Variants in NEFL observed in about 807,000 individuals in gnomAD.
NEFL encodes neurofilament light chain.
In NEFL, 36 loss-of-function variants were observed where a neutral mutation model predicts 51.6. That is an observed-to-expected ratio of 0.70 (90% CI 0.53 to 0.92). The LOEUF (loss-of-function observed/expected upper bound fraction) is 0.92. NEFL is among the 40% of genes least tolerant of loss of function. The probability of loss-of-function intolerance (pLI) is 0.00; values close to 1 mark genes in which losing one functional copy is unlikely to be tolerated. For missense variants in NEFL, 671 were observed against 722.0 expected (o/e 0.93, Z 0.81); for synonymous variants, 332 against 302.5 (o/e 1.10, Z -1.01).
Position 24,956,499 on chromosome 8 carries a change from T to C in NEFL, c.17A>G (p.Tyr6Cys), listed in dbSNP as rs1466519400. MSSFS[Y>C]EPYYSTSYKR... ...GTAGGAGGTCGAGTAGTACGGCTCG[T>C]AGCTGAAGGAACTCATGGTGGCGGC... is the stretch of plus-strand genomic sequence containing the variant. The change falls in exon 1 of 4, where the codon TAC becomes TGC. Residue 6 changes from tyrosine (Y) to cysteine (C), a missense_variant. Transcript: ENST00000610854. The surrounding 1 kb of genome is among the most constrained non-coding windows in gnomAD (Gnocchi z 5.9). The C allele has an allele frequency of 1.3e-6, 2 of 1,597,642 alleles. No individual in the cohort carries two copies. The highest frequency in any genetic ancestry group is 1.7e-5 in the Admixed American group (1 of 57,308).
chr8:24,953,065 C>T (rs1802991676), intron 3 of NEFL, 113 bp from the exon 4 acceptor site: 5 of 1,267,218 alleles, frequency 3.9e-6, no homozygotes, highest in Non-Finnish European at 5.3e-6. Flanking sequence ...CCAAAACCTC[C>T]CAGCTCCACT....
rs907332450 is a variant in NEFL at position 24,952,737 on chromosome 8, G to C, written c.*73C>G. 6.2e-7 allele frequency: 1 copy of C among 1,605,136 alleles called. No homozygotes were observed. Among genetic ancestry groups the C allele is most frequent in the East Asian group, 2.2e-5 (1 of 44,766 alleles). ...TTCACATAGAATCTGGAACTCAACT[G>C]GTTGGTTGGTTGGTGATGGGGTTGA... On this transcript the variant is annotated 3_prime_UTR_variant, in exon 4 of 4. Transcript: ENST00000610854.
At chr8:24,954,006 A>T in intron 2 of NEFL, 175 bp downstream of exon 2, 2 of 1,183,302 alleles carry the variant, frequency 1.7e-6, no homozygotes, top group Non-Finnish European at 2.4e-6. Flanking sequence ...ACTCCTAATT[A>T]CAGGGTTAAA....
At chr8:24,954,341 C>T (rs762025413) in intron 1 of NEFL, 36 bp from the exon 2 acceptor site, 6 of 1,603,568 alleles carry the variant, frequency 3.7e-6, no homozygotes, top group African/African-American at 1.4e-5. Context: ...AAAAAAAATC[C>T]GAGCATAAAT....
In NEFL at chr8:24,953,766, A is replaced by T. The variant is rs1472822250; in HGVS notation, c.1199T>A (p.Leu400His). The T allele has an allele frequency of 6.2e-7, 1 of 1,613,054 alleles. No individual in the cohort carries two copies. The highest frequency in any genetic ancestry group is 8.5e-7 in the Non-Finnish European group (1 of 1,179,164). The part of the protein sequence containing the change: ...RKLLEGEETR[L>H]SFTSVGSITS... ...TATGCTTCCCACGCTGGTGAAACTG[A>T]GTCGGGTCTCCTCGCCTTCCAAGAG... The change falls in exon 3 of 4, where the codon CTC (leucine) becomes CAC (histidine). Residue 400 changes from leucine to histidine, a missense_variant. Transcript: ENST00000610854.
Position 24,955,809 on chromosome 8 carries a change from G to T in NEFL, c.707C>A (p.Ala236Glu), listed in dbSNP as rs757157917. The T allele has an allele frequency of 6.2e-7, 1 of 1,612,296 alleles. No homozygotes were observed. The highest frequency in any genetic ancestry group is 8.5e-7 in the Non-Finnish European group (1 of 1,179,856). The part of the protein sequence containing the change: ...VHEEEIAELQ[A>E]QIQYAQISVE... ...GGAGATCTGCGCGTACTGGATCTGC[G>T]CCTGCAGTTCGGCGATCTCCTCTTC... is the stretch of plus-strand genomic sequence containing the variant. The change falls in exon 1 of 4, where the codon GCG (alanine) becomes GAG (glutamate). Residue 236 changes from alanine (A) to glutamate (E), a missense_variant. Coordinates refer to ENST00000610854, the MANE Select transcript of NEFL (RefSeq NM_006158.5). The surrounding 1 kb of genome is among the most constrained non-coding windows in gnomAD (Gnocchi z 4.0).
chr8:24,955,829 C>T lies in NEFL; in HGVS notation c.687G>A (p.Glu229=), dbSNP rs1640156661. ...EISFLKKVHE[E]EIAELQAQIQ... is the part of the protein sequence containing the mutation. ...TCTGCGCCTGCAGTTCGGCGATCTC[C>T]TCTTCGTGCACTTTCTTCAGAAAAG... The change falls in exon 1 of 4, where the codon GAG becomes GAA. Residue 229 remains glutamate (E), a synonymous_variant. Coordinates refer to ENST00000610854, the MANE Select transcript of NEFL (RefSeq NM_006158.5). The surrounding 1 kb of genome is among the most constrained non-coding windows in gnomAD (Gnocchi z 4.0). The T allele has an allele frequency of 1.2e-6, 2 of 1,611,414 alleles. No individual in the cohort carries two copies. Among genetic ancestry groups the T allele is most frequent in the East Asian group, 2.2e-5 (1 of 44,874 alleles).
Position 24,956,077 on chromosome 8 carries a change from G to A in NEFL, c.439C>T (p.Arg147Cys). 6.2e-7 allele frequency: 1 copy of A among 1,604,002 alleles called. No individual in the cohort carries two copies. The highest frequency in any genetic ancestry group is 2.2e-5 in the East Asian group (1 of 44,712). The change falls in exon 1 of 4, where the codon CGC (arginine) becomes TGC (cysteine). Residue 147 changes from arginine to cysteine, a missense_variant. By Grantham distance (180) the Arg-to-Cys change is radical. Transcript: ENST00000610854. This position sits in a 1 kb window ranked among gnomAD's most constrained non-coding sequence, Gnocchi z 5.9. ...ALYEQEIRDL[R>C]LAAEDATNEK... ...TTGGTGGCATCTTCCGCCGCCAGGC[G>A]CAGGTCGCGGATCTCCTGCTCGTAC... is the stretch of plus-strand genomic sequence containing the variant.
chr8:24,956,570 G>T lies in NEFL; in HGVS notation c.-55C>A. On this transcript the variant is annotated 5_prime_UTR_variant, in exon 1 of 4. Transcript: ENST00000610854. The surrounding 1 kb of genome is among the most constrained non-coding windows in gnomAD (Gnocchi z 5.9). Reference sequence around the variant, plus strand: ...GCGGCGGTGGGAGCCCGGAGAGAGAGGACAGGGGAGAGAGGGAAGGGGGAG... The same window carrying T: ...GCGGCGGTGGGAGCCCGGAGAGAGATGACAGGGGAGAGAGGGAAGGGGGAG... 1 of 1,498,438 alleles carries T rather than the reference G, an allele frequency of 6.7e-7. No homozygotes were observed. Among genetic ancestry groups the T allele is most frequent in the Non-Finnish European group, 9.1e-7 (1 of 1,099,398 alleles). 92.8% of individuals were successfully genotyped at this position (1,498,438 alleles called of 1,614,324 possible).
At position 24,952,274 on chromosome 8, in the gene NEFL, T is replaced by C. The variant is rs1009002367; in HGVS notation, c.*536A>G. The C allele has an allele frequency of 6.5e-6, 1 of 152,720 alleles. No individual in the cohort carries two copies. Among genetic ancestry groups the C allele is most frequent in the African/African-American group, 2.4e-5 (1 of 41,454 alleles). The allele number at this position is 152,720 out of a possible 1,614,324, so 9.5% of individuals were successfully genotyped here. On this transcript the variant is annotated 3_prime_UTR_variant, in exon 4 of 4. Transcript: ENST00000610854. ...AAAAGTATTGGTAATTGTTAAAATTTCAACTTTTTAAAAAATTGGAGGTCA... is the reference window on the plus strand; with the variant it reads ...AAAAGTATTGGTAATTGTTAAAATTCCAACTTTTTAAAAAATTGGAGGTCA...
At position 24,955,462 on chromosome 8, in the gene NEFL, C is replaced by G. The variant is rs1330824244; in HGVS notation, c.1044+10G>C. The G allele has an allele frequency of 1.3e-6, 2 of 1,574,532 alleles. No homozygotes were observed. Among genetic ancestry groups the G allele is most frequent in the Non-Finnish European group, 1.7e-6 (2 of 1,161,566 alleles). ...TCCCCCGCCCCCCTGTGTTTCTGGC[C>G]GTGCCGCACCTGCATAGCGCTGATG... is the stretch of plus-strand genomic sequence containing the variant. On this transcript the variant is annotated intron_variant, in intron 1 of 3. Coordinates refer to ENST00000610854, the MANE Select transcript of NEFL (RefSeq NM_006158.5). The surrounding 1 kb of genome is among the most constrained non-coding windows in gnomAD (Gnocchi z 4.0).
Position 24,956,038 on chromosome 8 carries a change from G to T in NEFL, c.478C>A (p.Leu160Ile). 6.2e-7 allele frequency: 1 copy of T among 1,604,414 alleles called. No individual in the cohort carries two copies. Residue 160 changes from leucine to isoleucine, a missense_variant, in exon 1 of 4, where the codon CTC becomes ATC. Coordinates refer to ENST00000610854, the MANE Select transcript of NEFL (RefSeq NM_006158.5). The surrounding 1 kb of genome is among the most constrained non-coding windows in gnomAD (Gnocchi z 5.9). ...AEDATNEKQA[L>I]QGEREGLEET... Reference sequence around the variant, plus strand: ...TCCAGCCCTTCGCGCTCGCCCTGGAGCGCCTGCTTCTCGTTGGTGGCATCT... The same window carrying T: ...TCCAGCCCTTCGCGCTCGCCCTGGATCGCCTGCTTCTCGTTGGTGGCATCT...
At position 24,955,474 on chromosome 8, in the gene NEFL, G is replaced by T; in HGVS notation, c.1042C>A (p.Gln348Lys). The T allele has an allele frequency of 6.3e-7, 1 of 1,599,690 alleles. No homozygotes were observed. Among genetic ancestry groups the T allele is most frequent in the South Asian group, 1.1e-5 (1 of 90,498 alleles). ...DKQNADISAM[Q>K]DTINKLENEL... ...CTGTGTTTCTGGCCGTGCCGCACCTGCATAGCGCTGATGTCGGCGTTCTGC... is the reference window on the plus strand; with the variant it reads ...CTGTGTTTCTGGCCGTGCCGCACCTTCATAGCGCTGATGTCGGCGTTCTGC... The change falls in exon 1 of 4, where the codon CAG becomes AAG. Residue 348 changes from glutamine (Q) to lysine (K), a missense_variant and splice_region_variant. By Grantham distance (53) the Gln-to-Lys change is moderately conservative (BLOSUM62 1). Transcript: ENST00000610854. The surrounding 1 kb of genome is among the most constrained non-coding windows in gnomAD (Gnocchi z 4.0).
chr8:24,954,522 A>G (rs1456474639), intron 1 of NEFL, among the ~76,000 whole-genome samples: 1 of 152,204 alleles, frequency 6.6e-6, no homozygotes, highest in Non-Finnish European at 1.5e-5. Flanking sequence ...AAGATGGACG[A>G]AAATTCTGTT....
rs1249514180 is a variant in NEFL at position 24,953,608 on chromosome 8, C to T, written c.1357G>A (p.Glu453Lys). The part of the protein sequence containing the change: ...YTSHVQEEQI[E>K]VEETIEAAKA... The stretch of plus-strand genomic sequence containing the variant: ...GCAGCCTCAATGGTTTCCTCCACTT[C>T]GATCTGCTCCTCTTGGACATGGCTG... Residue 453 changes from glutamate (E) to lysine (K), a missense_variant, in exon 3 of 4, where the codon GAA (glutamate) becomes AAA (lysine). By Grantham distance (56) the Glu-to-Lys change is moderately conservative. Transcript: ENST00000610854. The T allele has an allele frequency of 3.1e-6, 5 of 1,613,900 alleles. No individual in the cohort carries two copies. The highest frequency in any genetic ancestry group is 4.2e-6 in the Non-Finnish European group (5 of 1,179,914).
Position 24,955,706 on chromosome 8 carries a change from G to C in NEFL, c.810C>G (p.Ala270=), listed in dbSNP as rs1803038842. The change falls in exon 1 of 4, where the codon GCC becomes GCG. Residue 270 remains alanine (A), a synonymous_variant. Coordinates refer to ENST00000610854, the MANE Select transcript of NEFL (RefSeq NM_006158.5). The surrounding 1 kb of genome is among the most constrained non-coding windows in gnomAD (Gnocchi z 4.0). ...DIRAQYEKLA[A]KNMQNAEEWF... is the part of the protein sequence containing the mutation. ...ATTCCTCAGCGTTCTGCATGTTCTTGGCGGCCAGCTTCTCGTACTGCGCGC... is the reference window on the plus strand; with the variant it reads ...ATTCCTCAGCGTTCTGCATGTTCTTCGCGGCCAGCTTCTCGTACTGCGCGC... The C allele has an allele frequency of 1.2e-6, 2 of 1,613,910 alleles. No individual in the cohort carries two copies. The highest frequency in any genetic ancestry group is 1.7e-6 in the Non-Finnish European group (2 of 1,179,888).
Position 24,952,782 on chromosome 8 carries a change from T to C in NEFL, c.*28A>G, listed in dbSNP as rs1802987078. 6.2e-7 allele frequency: 1 copy of C among 1,613,892 alleles called. No individual in the cohort carries two copies. The highest frequency in any genetic ancestry group is 1.3e-5 in the African/African-American group (1 of 75,048). On this transcript the variant is annotated 3_prime_UTR_variant, in exon 4 of 4. Transcript: ENST00000610854. ...GGTTGACCTGATTTCGGGAGAATTA[T>C]TCCTGAAATAATTAAGGAAATGGGG...
Position 24,955,931 on chromosome 8 carries a change from C to T in NEFL, c.585G>A (p.Ala195=), listed in dbSNP as rs1377847387. ...REDAEGRLME[A]RKGADEAALA... ...GCGCCGCCTCGTCGGCGCCTTTGCG[C>T]GCTTCCATCAGCCGGCCCTCGGCGT... is the stretch of plus-strand genomic sequence containing the variant. The change falls in exon 1 of 4, where the codon GCG becomes GCA. Residue 195 remains alanine (A), a synonymous_variant. Transcript: ENST00000610854. The surrounding 1 kb of genome is among the most constrained non-coding windows in gnomAD (Gnocchi z 4.0). The T allele has an allele frequency of 6.2e-7, 1 of 1,604,236 alleles. No individual in the cohort carries two copies. Among genetic ancestry groups the T allele is most frequent in the South Asian group, 1.1e-5 (1 of 91,046 alleles).
chr8:24,955,820 G>A lies in NEFL; in HGVS notation c.696C>T (p.Ala232=). The A allele has an allele frequency of 6.2e-7, 1 of 1,611,830 alleles. No homozygotes were observed. The highest frequency in any genetic ancestry group is 8.5e-7 in the Non-Finnish European group (1 of 1,179,856). Residue 232 remains alanine, a synonymous_variant, in exon 1 of 4, where the codon GCC becomes GCT. Transcript: ENST00000610854. This position sits in a 1 kb window ranked among gnomAD's most constrained non-coding sequence, Gnocchi z 4.0. ...CGTACTGGATCTGCGCCTGCAGTTCGGCGATCTCCTCTTCGTGCACTTTCT... is the reference window on the plus strand; with the variant it reads ...CGTACTGGATCTGCGCCTGCAGTTCAGCGATCTCCTCTTCGTGCACTTTCT... ...FLKKVHEEEI[A]ELQAQIQYAQ... is the part of the protein sequence containing the mutation.
Sources: gnomAD v4.1 joint callset for allele counts (sites outside exome capture counted in the v4.1 genomes callset) on GRCh38, gnomAD v4.1.1 for gene constraint, Gnocchi (gnomAD v3.1) non-coding constraint, MANE v1.5 for transcripts, NCBI Gene and HGNC (gene_info 2026-07-23, HGNC 2026-07-21) for gene names.